Variants in NDUFAF5 observed in about 807,000 individuals in gnomAD.
The protein encoded by NDUFAF5 is NADH:ubiquinone oxidoreductase complex assembly factor 5.
NDUFAF5 carries 34 observed loss-of-function variants against 48.9 expected under a neutral mutation model. The ratio of observed to expected loss-of-function variants is 0.70; its 90% CI spans 0.53 to 0.93. NDUFAF5 has a LOEUF of 0.93. Among genes scored for constraint, NDUFAF5 ranks in the 40% least tolerant of loss-of-function variants. The probability of loss-of-function intolerance (pLI) is 0.00; values close to 1 mark genes in which losing one functional copy is unlikely to be tolerated. For missense variants in NDUFAF5, 428 were observed against 427.5 expected (o/e 1.00, Z -0.01); for synonymous variants, 153 against 150.6 (o/e 1.02, Z -0.12).
intron 5 of NDUFAF5, among the ~76,000 whole-genome samples, chr20:13,796,641 T>G (rs1470777124): frequency 1.3e-5 from 2 of 152,114 alleles, no homozygotes; most frequent in Non-Finnish European, 2.9e-5. Flanking sequence ...AATATGACTT[T>G]CGCTGTCACG....
At position 13,785,089 on chromosome 20, in the gene NDUFAF5, CT is replaced by C; in HGVS notation, c.22del (p.Trp8GlyfsTer37). The C allele has an allele frequency of 1.2e-6, 2 of 1,612,782 alleles. No individual in the cohort carries two copies. Among genetic ancestry groups the C allele is most frequent in the Non-Finnish European group, 1.7e-6 (2 of 1,179,910 alleles). MLRPAGL[W>X]RLCRRPWAAR... Reference sequence around the variant, plus strand: ...TGGAGATGCTGCGGCCGGCAGGGCTCTGGCGCTTATGTCGGCGACCTTGGGC... The same window carrying C: ...TGGAGATGCTGCGGCCGGCAGGGCTCGGCGCTTATGTCGGCGACCTTGGGC... On this transcript the variant is annotated frameshift_variant, in exon 1 of 11. Coordinates refer to ENST00000378106, the MANE Select transcript of NDUFAF5 (RefSeq NM_024120.5). LOFTEE classifies it high-confidence loss of function.
chr20:13,802,671 CAAAAA>C (rs11472201), intron 7 of NDUFAF5, among the ~76,000 whole-genome samples: 4 of 102,864 alleles, frequency 3.9e-5, no homozygotes, highest in South Asian at 3.8e-4. Flanking sequence ...ATTCCCGTCT[CAAAAA>C]AAAAAAAAAA....
chr20:13,794,505 C>T (rs565354202), intron 4 of NDUFAF5, among the ~76,000 whole-genome samples: 1 of 152,328 alleles, frequency 6.6e-6, no homozygotes, highest in Admixed American at 6.5e-5. Context: ...GTCTCGAACT[C>T]CTGACTTTCA....
rs140561805 is a variant in NDUFAF5, at chr20:13,795,156, G to A, written c.479+215G>A. ...AAAAATACAAAAAAGGTAGCTGGGC[G>A]TGGTGGCATGCATGAACTTCCTAAA... On this transcript the variant is annotated intron_variant, in intron 5 of 10. Transcript: ENST00000378106. Among the ~76,000 whole-genome samples, 750 of 152,264 alleles carry A rather than the reference G, an allele frequency of 4.9e-3. 1 individual carries two copies. The highest frequency in any genetic ancestry group is 8.1e-3 in the South Asian group (39 of 4,816).
intron 3 of NDUFAF5, 70 bp from the exon 4 acceptor site, chr20:13,793,110 T>C (rs757385603): frequency 6.5e-7 from 1 of 1,537,188 alleles, no homozygotes; most frequent in South Asian, 1.1e-5. Flanking sequence ...TTAACACTTT[T>C]ACCTTTAGAA....
intron 8 of NDUFAF5, among the ~76,000 whole-genome samples, chr20:13,812,397 G>A (rs1243533620): frequency 6.6e-6 from 1 of 152,152 alleles, no homozygotes; most frequent in East Asian, 1.9e-4. Context: ...TAATCAAGGA[G>A]CCACTTTATC....
intron 7 of NDUFAF5, among the ~76,000 whole-genome samples, chr20:13,807,411 G>A (rs954419662): frequency 6.6e-6 from 1 of 151,814 alleles, no homozygotes. Flanking sequence ...CTTAGACATC[G>A]TTTCAGATCC....
chr20:13,819,135 T>G lies in NDUFAF5; in HGVS notation c.*1925T>G, dbSNP rs2147641105. On this transcript the variant is annotated 3_prime_UTR_variant, in exon 11 of 11. Coordinates refer to ENST00000378106, the MANE Select transcript of NDUFAF5 (RefSeq NM_024120.5). ...CTTATTTTAGTGTGTATAACACTAG[T>G]GAAATTATTTTTGTAGTTAAATCTG... is the stretch of plus-strand genomic sequence containing the variant. 6.6e-6 allele frequency: 1 copy of G among 152,348 alleles called. No homozygotes were observed. The highest frequency in any genetic ancestry group is 6.5e-5 in the Admixed American group (1 of 15,300). The allele number at this position is 152,348 out of a possible 1,614,324, so 9.4% of individuals were successfully genotyped here. A position where few individuals can be genotyped will look rare whatever the true frequency, so the allele number is the denominator to read the frequency against.
In NDUFAF5 at chr20:13,817,446, A is replaced by G; in HGVS notation, c.*236A>G. The G allele has an allele frequency of 1.6e-6, 1 of 631,726 alleles. No homozygotes were observed. 39.1% of individuals were successfully genotyped at this position (631,726 alleles called of 1,614,324 possible). A position where few individuals can be genotyped will look rare whatever the true frequency, so the allele number is the denominator to read the frequency against. ...CAGATTCAGCCTAAAAGCAAAGAAAATATTTCCCTAAAATATTTGCAAATA... is the reference window on the plus strand; with the variant it reads ...CAGATTCAGCCTAAAAGCAAAGAAAGTATTTCCCTAAAATATTTGCAAATA... On this transcript the variant is annotated 3_prime_UTR_variant, in exon 11 of 11. Transcript: ENST00000378106.
intron 3 of NDUFAF5, among the ~76,000 whole-genome samples, chr20:13,791,296 A>G (rs749525914): frequency 4.4e-4 from 67 of 152,338 alleles, no homozygotes; most frequent in Middle Eastern, 3.4e-3. Flanking sequence ...CTGTCTGTGT[A>G]TACTCAGACC....
At chr20:13,807,420 C>G (rs1042990042) in intron 7 of NDUFAF5, among the ~76,000 whole-genome samples, 2 of 152,082 alleles carry the variant, frequency 1.3e-5, no homozygotes, top group African/African-American at 4.8e-5. Flanking sequence ...CGTTTCAGAT[C>G]CACTTTTTTT....
At position 13,817,912 on chromosome 20, in the gene NDUFAF5, T is replaced by C. The variant is rs745940077; in HGVS notation, c.*702T>C. 2.4e-5 allele frequency: 11 copies of C among 454,052 alleles called. No individual in the cohort carries two copies. Among genetic ancestry groups the C allele is most frequent in the Middle Eastern group, 6.9e-4 (1 of 1,444 alleles). The allele number at this position is 454,052 out of a possible 1,614,324, so 28.1% of individuals were successfully genotyped here. A position where few individuals can be genotyped will look rare whatever the true frequency, so the allele number is the denominator to read the frequency against. ...GTTGTCGAGGAGGGTTCAAAATCAT[T>C]TGGAGATAATCAAGCTCAGACAGCT... On this transcript the variant is annotated 3_prime_UTR_variant, in exon 11 of 11. Coordinates refer to ENST00000378106, the MANE Select transcript of NDUFAF5 (RefSeq NM_024120.5).
In NDUFAF5 at chr20:13,817,598, G is replaced by C. The variant is rs1347634728; in HGVS notation, c.*388G>C. The C allele has an allele frequency of 2.2e-6, 1 of 456,990 alleles. No homozygotes were observed. The highest frequency in any genetic ancestry group is 2.3e-5 in the Admixed American group (1 of 42,642). The allele number at this position is 456,990 out of a possible 1,614,324, so 28.3% of individuals were successfully genotyped here. On this transcript the variant is annotated 3_prime_UTR_variant, in exon 11 of 11. Coordinates refer to ENST00000378106, the MANE Select transcript of NDUFAF5 (RefSeq NM_024120.5). ...GAATATGCACCTTCTCCAGAGTTAT[G>C]TGGTTTTAGAATTTAGAAGAGCATG... is the stretch of plus-strand genomic sequence containing the variant.
chr20:13,816,707 C>A (rs1986505574), intron 9 of NDUFAF5, 161 bp downstream of exon 9: 1 of 764,690 alleles, frequency 1.3e-6, no homozygotes, highest in Non-Finnish European at 2.3e-6. Flanking sequence ...TTCCAGACAG[C>A]CTTTACTATT....
chr20:13,790,490 C>G (rs1017250152), intron 3 of NDUFAF5, among the ~76,000 whole-genome samples: 11 of 152,216 alleles, frequency 7.2e-5, no homozygotes, highest in Non-Finnish European at 1.2e-4. Context: ...ATCATCGCCC[C>G]TTGCCTAGAT....
At chr20:13,789,022 C>A (rs1020898266) in intron 3 of NDUFAF5, among the ~76,000 whole-genome samples, 2 of 152,244 alleles carry the variant, frequency 1.3e-5, no homozygotes, top group African/African-American at 4.8e-5. Flanking sequence ...GATTAGAAAT[C>A]TTTCTGTATC....
chr20:13,800,980 T>C (rs1418939045), intron 6 of NDUFAF5, among the ~76,000 whole-genome samples: 2 of 152,164 alleles, frequency 1.3e-5, no homozygotes. Flanking sequence ...TGCAACACAT[T>C]TGAGACCTAG....
intron 8 of NDUFAF5, 68 bp downstream of exon 8, chr20:13,808,970 C>T (rs1600380078): frequency 9.5e-7 from 1 of 1,056,992 alleles, no homozygotes; most frequent in Non-Finnish European, 1.5e-6. Flanking sequence ...AATTTTTAGA[C>T]TCCATTTGAG....
intron 4 of NDUFAF5, among the ~76,000 whole-genome samples, chr20:13,794,597 T>G (rs1982875312): frequency 6.6e-6 from 1 of 152,158 alleles, no homozygotes; most frequent in Non-Finnish European, 1.5e-5. Flanking sequence ...TTTCTGAGAT[T>G]TGTTTTGGTG....
Sources: gnomAD v4.1 joint callset for allele counts (sites outside exome capture counted in the v4.1 genomes callset) on GRCh38, gnomAD v4.1.1 for gene constraint, MANE v1.5 for transcripts, NCBI Gene and HGNC (gene_info 2026-07-23, HGNC 2026-07-21) for gene names.